The following CNBD1 variants were observed in gnomAD, a reference collection of about 807,000 sequenced individuals.
CNBD1 encodes the protein cyclic nucleotide binding domain containing 1, also known as cyclic nucleotide-binding domain-containing protein 1.
CNBD1 carries 71 observed loss-of-function variants against 54.4 expected under a neutral mutation model. That is an observed-to-expected ratio of 1.30 (90% confidence interval 1.08 to 1.59). CNBD1 has a LOEUF of 1.59. Ranked by LOEUF, CNBD1 falls within the 40% of genes most tolerant of loss-of-function variation. CNBD1 has a pLI of 0.00. For missense variants in CNBD1, 659 were observed against 518.0 expected (o/e 1.27, Z -2.64); for synonymous variants, 182 against 170.7 (o/e 1.07, Z -0.51).
intron 4 of CNBD1, among the ~76,000 whole-genome samples, chr8:87,201,902 G>A (rs1813870832): frequency 6.6e-6 from 1 of 152,094 alleles, no homozygotes; most frequent in African/African-American, 2.4e-5. Flanking sequence ...ACAGGAGCCT[G>A]CCACCACACC....
At chr8:87,419,027 A>T (rs1310770286) in intron 2 of CNBD1, among the ~76,000 whole-genome samples, 1 of 151,972 alleles carries the variant, frequency 6.6e-6, no homozygotes, top group African/African-American at 2.4e-5. Context: ...CATTACTCAT[A>T]ACAGTGCCAA....
chr8:87,224,546 T>C (rs1463404030), intron 5 of CNBD1, among the ~76,000 whole-genome samples: 1 of 151,120 alleles, frequency 6.6e-6, no homozygotes, highest in Non-Finnish European at 1.5e-5. Flanking sequence ...AAAGATCAGA[T>C]AGTTGTAGAT....
intron 4 of CNBD1, among the ~76,000 whole-genome samples, chr8:87,110,099 G>T (rs553625846): frequency 8.3e-4 from 126 of 152,250 alleles, no homozygotes; most frequent in African/African-American, 2.8e-3. Context: ...TGACCTGATG[G>T]ACTGAAGCTC....
At chr8:87,071,759 T>C (rs576122135) in intron 4 of CNBD1, among the ~76,000 whole-genome samples, 1 of 152,166 alleles carries the variant, frequency 6.6e-6, no homozygotes, top group African/African-American at 2.4e-5. Flanking sequence ...GTAAGTGTCA[T>C]GTGGCGATAA....
At chr8:87,343,361 G>A (rs747618522) in intron 8 of CNBD1, among the ~76,000 whole-genome samples, 1 of 152,110 alleles carries the variant, frequency 6.6e-6, no homozygotes, top group Non-Finnish European at 1.5e-5. Context: ...TACATCCTCA[G>A]CTTACAAAAA....
At chr8:87,081,224 A>G (rs918937528) in intron 4 of CNBD1, among the ~76,000 whole-genome samples, 2 of 151,902 alleles carry the variant, frequency 1.3e-5, no homozygotes, top group Non-Finnish European at 2.9e-5. Context: ...TTTTTCCATA[A>G]TATTTTCTAA....
intron 4 of CNBD1, among the ~76,000 whole-genome samples, chr8:86,986,121 G>A (rs949302559): frequency 6.6e-6 from 1 of 152,022 alleles, no homozygotes; most frequent in African/African-American, 2.4e-5. Flanking sequence ...GTAGAGATAG[G>A]GTTTCACCAT....
chr8:87,300,337 T>C (rs1262652427), intron 8 of CNBD1, among the ~76,000 whole-genome samples: 1 of 152,106 alleles, frequency 6.6e-6, no homozygotes, highest in Non-Finnish European at 1.5e-5. Context: ...TCTCGATCAA[T>C]AAGTATTTAC....
At chr8:86,868,998 A>G in intron 1 of CNBD1, among the ~76,000 whole-genome samples, 1 of 151,886 alleles carries the variant, frequency 6.6e-6, no homozygotes, top group Non-Finnish European at 1.5e-5. Context: ...GCTGGCTTTG[A>G]AGATGGAGGG....
Position 86,894,222 on chromosome 8 carries a change from C to T in CNBD1, c.158+6611C>T, listed in dbSNP as rs370750986. 6.1e-3 allele frequency among the ~76,000 whole-genome samples: 906 copies of T among 148,780 alleles called. 16 individuals carry two copies. Among genetic ancestry groups the T allele is most frequent in the African/African-American group, 0.021 (859 of 40,678 alleles). ...GACTACAGGCGCCCGCCACCGCGCC[C>T]GGCTAATTTTTTGTATTTTTAGTAG... On this transcript the variant is annotated intron_variant, in intron 2 of 10. Transcript: ENST00000518476.
intron 4 of CNBD1, among the ~76,000 whole-genome samples, chr8:87,104,602 A>G (rs1339029242): frequency 6.6e-6 from 1 of 152,184 alleles, no homozygotes; most frequent in Non-Finnish European, 1.5e-5. Flanking sequence ...AGAGGCTTTT[A>G]TGGGAGAGTA....
Position 87,118,759 on chromosome 8 carries a change from C to A in CNBD1, c.432-87234C>A, listed in dbSNP as rs570737905. Among the ~76,000 whole-genome samples the A allele has an allele frequency of 5.3e-5, 8 of 152,234 alleles. No homozygotes were observed. In the East Asian group the frequency reaches 1.5e-3, roughly 29 times the overall value. On this transcript the variant is annotated intron_variant, in intron 4 of 10. Transcript: ENST00000518476. Reference sequence around the variant, plus strand: ...TTGGAAAGATCTCTTGTCACTTTTGCCTTCACATTTACACTTTATAATTTA... The same window carrying A: ...TTGGAAAGATCTCTTGTCACTTTTGACTTCACATTTACACTTTATAATTTA...
At chr8:87,033,969 T>A (rs1160579140) in intron 4 of CNBD1, among the ~76,000 whole-genome samples, 1 of 152,218 alleles carries the variant, frequency 6.6e-6, no homozygotes. Flanking sequence ...TAGGTATGCT[T>A]TTCTTATGGC....
rs1812974154 is a variant in CNBD1 at position 87,166,875 on chromosome 8, A to G, written c.432-39118A>G. Among the ~76,000 whole-genome samples, 1 of 151,628 alleles carries G rather than the reference A, an allele frequency of 6.6e-6. No homozygotes were observed. The highest frequency in any genetic ancestry group is 6.6e-5 in the Admixed American group (1 of 15,198). ...GTTCTATTTTCCAGTATAGTATGTAACTATATATTTAATTTTTTTATTACA... is the reference window on the plus strand; with the variant it reads ...GTTCTATTTTCCAGTATAGTATGTAGCTATATATTTAATTTTTTTATTACA... On this transcript the variant is annotated intron_variant, in intron 4 of 10. Transcript: ENST00000518476. This position sits in a 1 kb window ranked among gnomAD's most constrained non-coding sequence, Gnocchi z 4.3.
At chr8:87,392,123 A>T (rs907331375) in intron 2 of CNBD1, among the ~76,000 whole-genome samples, 1 of 152,080 alleles carries the variant, frequency 6.6e-6, no homozygotes, top group Non-Finnish European at 1.5e-5. Context: ...CATACCTACT[A>T]TTTTGAAAAA....
chr8:87,208,015 A>G (rs552266563), intron 5 of CNBD1, among the ~76,000 whole-genome samples: 1 of 152,260 alleles, frequency 6.6e-6, no homozygotes, highest in South Asian at 2.1e-4. Context: ...AGGCCCAACT[A>G]GGTGTCTGTC....
At chr8:87,412,981 C>T (rs906734699) in intron 2 of CNBD1, among the ~76,000 whole-genome samples, 1 of 151,960 alleles carries the variant, frequency 6.6e-6, no homozygotes, top group African/African-American at 2.4e-5. Context: ...TGAAGATAAG[C>T]TAGTAATTGA....
At chr8:87,262,206 T>C (rs1363567970) in intron 6 of CNBD1, among the ~76,000 whole-genome samples, 2 of 152,108 alleles carry the variant, frequency 1.3e-5, no homozygotes, top group Non-Finnish European at 2.9e-5. Flanking sequence ...TTGTTGAACA[T>C]TATGTTTTTA....
intron 1 of CNBD1, among the ~76,000 whole-genome samples, chr8:86,867,053 A>G (rs1388909481): frequency 1.3e-5 from 2 of 152,166 alleles, no homozygotes; most frequent in East Asian, 3.9e-4. Context: ...TGACTGTGAA[A>G]TTTATTCCTA....
Sources: allele counts gnomAD v4.1 joint callset (sites outside exome capture counted in the v4.1 genomes callset), GRCh38; gene constraint gnomAD v4.1.1; non-coding constraint Gnocchi (gnomAD v3.1); transcripts MANE v1.5; gene names NCBI Gene and HGNC (gene_info 2026-07-23, HGNC 2026-07-21).